Variants in RANBP2 observed in about 807,000 individuals in gnomAD.
The protein encoded by RANBP2 is RAN binding protein 2.
In RANBP2, 57 loss-of-function variants were observed where a neutral mutation model predicts 303.6. The ratio of observed to expected loss-of-function variants is 0.19; its 90% CI spans 0.15 to 0.23. RANBP2 has a LOEUF of 0.23. RANBP2 is among the 10% of genes least tolerant of loss of function. The probability of loss-of-function intolerance (pLI) is 1.00; values close to 1 mark genes in which losing one functional copy is unlikely to be tolerated. For missense variants in RANBP2, 3,138 were observed against 3,780.8 expected (o/e 0.83, Z 4.46); for synonymous variants, 1,167 against 1,301.5 (o/e 0.90, Z 2.23).
Position 108,772,914 on chromosome 2 carries a change from T to G in RANBP2, c.8160T>G (p.Val2720=), listed in dbSNP as rs1313429206. 1 of 1,613,980 alleles carries G rather than the reference T, an allele frequency of 6.2e-7. No individual in the cohort carries two copies. The highest frequency in any genetic ancestry group is 8.5e-7 in the Non-Finnish European group (1 of 1,180,002). ...CIIVWEKKPT[V]EEKAKADTLK... is the part of the protein sequence containing the mutation. ...TTGTTTGGGAAAAGAAACCAACAGT[T>G]GAAGAGAAGGCAAAAGCAGATACGT... Residue 2720 remains valine (V), a synonymous_variant, in exon 23 of 29, where the codon GTT becomes GTG. Transcript: ENST00000283195.
chr2:109,568,373 C>CTTTTTT, the RANBP2 span, among the ~76,000 whole-genome samples: 1 of 129,176 alleles, frequency 7.7e-6, no homozygotes. Flanking sequence ...GCCACACAAT[C>CTTTTTT]TTTTTTTTTT....
chr2:108,817,154 G>A, the RANBP2 span, among the ~76,000 whole-genome samples: 1 of 152,178 alleles, frequency 6.6e-6, no homozygotes, highest in Non-Finnish European at 1.5e-5. Context: ...GGTTATCCAG[G>A]ATTATGTGGG....
intron 19 of RANBP2, among the ~76,000 whole-genome samples, chr2:108,762,467 C>T (rs1360446610): frequency 1.5e-5 from 1 of 68,602 alleles, no homozygotes; most frequent in Non-Finnish European, 2.9e-5. Context: ...AACTGTAATG[C>T]CCTTGCTGAC....
chr2:109,088,195 A>G, the RANBP2 span, among the ~76,000 whole-genome samples: 1 of 151,996 alleles, frequency 6.6e-6, no homozygotes, highest in Non-Finnish European at 1.5e-5. Context: ...TCAAGAGATC[A>G]AGACCATCCT....
At chr2:108,931,621 T>C in the RANBP2 span, among the ~76,000 whole-genome samples, 4 of 152,228 alleles carry the variant, frequency 2.6e-5, no homozygotes, top group African/African-American at 9.6e-5. Flanking sequence ...ACTTAAGGGA[T>C]TGAAGGGATT....
chr2:108,794,773 C>A, the RANBP2 span: 1 of 1,374,260 alleles, frequency 7.3e-7, no homozygotes, highest in Non-Finnish European at 1.0e-6. Flanking sequence ...GTTCTAAGAA[C>A]CAAGCATTTA....
the RANBP2 span, among the ~76,000 whole-genome samples, chr2:109,266,378 A>C: frequency 6.6e-6 from 1 of 151,834 alleles, no homozygotes; most frequent in African/African-American, 2.4e-5. Context: ...ATCTGACAAG[A>C]GGCTGCCCCA....
At chr2:109,080,997 C>T in the RANBP2 span, among the ~76,000 whole-genome samples, 1 of 152,208 alleles carries the variant, frequency 6.6e-6, no homozygotes, top group African/African-American at 2.4e-5. Context: ...CTTCTGCTGC[C>T]ATCCACTATG....
At chr2:109,625,374 G>A in the RANBP2 span, among the ~76,000 whole-genome samples, 1 of 151,984 alleles carries the variant, frequency 6.6e-6, no homozygotes, top group Non-Finnish European at 1.5e-5. Context: ...AATGAAGTAG[G>A]CCAGGTGCAA....
the RANBP2 span, among the ~76,000 whole-genome samples, chr2:108,976,937 G>A: frequency 6.6e-6 from 1 of 152,110 alleles, no homozygotes; most frequent in Non-Finnish European, 1.5e-5. Flanking sequence ...CCTTTCACTG[G>A]AGATTGGCAT....
chr2:109,028,105 ACAAAAAATG>A, the RANBP2 span, among the ~76,000 whole-genome samples: 4 of 152,088 alleles, frequency 2.6e-5, no homozygotes, highest in East Asian at 1.9e-4. Context: ...CCCTGTCTCT[ACAAAAAATG>A]CAAAAAATTA....
the RANBP2 span, among the ~76,000 whole-genome samples, chr2:108,989,689 T>C: frequency 6.6e-6 from 1 of 152,072 alleles, no homozygotes; most frequent in Non-Finnish European, 1.5e-5. Context: ...TGTATACCCA[T>C]GTAACTTCAG....
the RANBP2 span, among the ~76,000 whole-genome samples, chr2:109,705,613 G>C: frequency 6.6e-6 from 1 of 152,190 alleles, no homozygotes; most frequent in East Asian, 1.9e-4. Context: ...TCCAGCTCAA[G>C]CTCTGTGGCC....
chr2:109,133,363 G>A, the RANBP2 span, among the ~76,000 whole-genome samples: 1 of 152,158 alleles, frequency 6.6e-6, no homozygotes, highest in Non-Finnish European at 1.5e-5. Context: ...ATGTGACTGG[G>A]ACTTAATAGA....
the RANBP2 span, among the ~76,000 whole-genome samples, chr2:109,500,138 G>A: frequency 6.6e-6 from 1 of 152,198 alleles, no homozygotes; most frequent in African/African-American, 2.4e-5. Context: ...AGGTTTCTCA[G>A]GCAGGCACTT....
At chr2:109,670,519 T>C in the RANBP2 span, among the ~76,000 whole-genome samples, 1 of 152,068 alleles carries the variant, frequency 6.6e-6, no homozygotes, top group Admixed American at 6.5e-5. Context: ...AAGGGCACTA[T>C]CAGGGACTGC....
the RANBP2 span, among the ~76,000 whole-genome samples, chr2:108,829,145 ACTT>A: frequency 2.6e-5 from 4 of 152,284 alleles, no homozygotes; most frequent in South Asian, 4.2e-4. Context: ...AATAAACTGA[ACTT>A]CATCAAAATT....
the RANBP2 span, among the ~76,000 whole-genome samples, chr2:108,922,448 C>T: frequency 6.6e-6 from 1 of 152,194 alleles, no homozygotes. Flanking sequence ...TGCATTGCTC[C>T]TCCTGCAGCA....
chr2:109,319,995 T>A, the RANBP2 span, among the ~76,000 whole-genome samples: 1 of 151,640 alleles, frequency 6.6e-6, no homozygotes, highest in Non-Finnish European at 1.5e-5. Context: ...GAGTGGGGGG[T>A]GCTATTCTGG....
Sources: gnomAD v4.1 joint callset for allele counts (sites outside exome capture counted in the v4.1 genomes callset) on GRCh38, gnomAD v4.1.1 for gene constraint, MANE v1.5 for transcripts, NCBI Gene and HGNC (gene_info 2026-07-23, HGNC 2026-07-21) for gene names.